The following ERN1 variants were observed in gnomAD, a reference collection of about 807,000 sequenced individuals.
The protein encoded by ERN1 is endoplasmic reticulum to nucleus signaling 1, also known as serine/threonine-protein kinase/endoribonuclease IRE1.
In ERN1, 39 loss-of-function variants were observed where a neutral mutation model predicts 113.1. That is an observed-to-expected ratio of 0.34 (90% CI 0.27 to 0.45). The LOEUF (loss-of-function observed/expected upper bound fraction) is 0.45, where lower values mean the gene tolerates loss of function less well. ERN1 is among the 20% of genes least tolerant of loss of function. The pLI is 1.00. For synonymous variants in ERN1, 507 were observed against 515.9 expected (o/e 0.98, Z 0.23); for missense variants, 976 against 1,274.8 (o/e 0.77, Z 3.57).
chr17:64,083,337 A>G (rs1031900777), intron 2 of ERN1, among the ~76,000 whole-genome samples: 6 of 152,228 alleles, frequency 3.9e-5, no homozygotes, highest in African/African-American at 1.4e-4. Context: ...TAAAAGAGTA[A>G]CATGAAAAAG....
intron 1 of ERN1, among the ~76,000 whole-genome samples, chr17:64,106,322 T>A (rs1199864815): frequency 6.6e-6 from 1 of 152,244 alleles, no homozygotes; most frequent in Non-Finnish European, 1.5e-5. Flanking sequence ...ACATATGAAA[T>A]CTTGAGAACA....
chr17:64,118,450 A>T (rs114352264), intron 1 of ERN1, among the ~76,000 whole-genome samples: 8 of 152,368 alleles, frequency 5.3e-5, no homozygotes, highest in African/African-American at 1.7e-4. Flanking sequence ...CTGGTCTGCC[A>T]CTTGGGATTT....
At chr17:64,051,157 G>GAAAA (rs57358024) in intron 17 of ERN1, among the ~76,000 whole-genome samples, 1 of 143,948 alleles carries the variant, frequency 6.9e-6, no homozygotes, top group Admixed American at 6.8e-5. Context: ...TAGCGATTAA[G>GAAAA]AAAAAAAAAA....
At chr17:64,071,329 A>G (rs1038106379) in intron 6 of ERN1, among the ~76,000 whole-genome samples, 2 of 152,200 alleles carry the variant, frequency 1.3e-5, no homozygotes, top group Non-Finnish European at 2.9e-5. Flanking sequence ...AAACAGGCAT[A>G]CCTGGTGGAG....
chr17:64,081,160 T>C (rs769560655), intron 2 of ERN1, among the ~76,000 whole-genome samples: 16 of 152,170 alleles, frequency 1.1e-4, no homozygotes, highest in Non-Finnish European at 2.4e-4. Context: ...AGCATCACTA[T>C]CTGACACCTC....
intron 1 of ERN1, among the ~76,000 whole-genome samples, chr17:64,117,279 C>T (rs970568962): frequency 6.6e-6 from 1 of 151,618 alleles, no homozygotes; most frequent in African/African-American, 2.4e-5. Flanking sequence ...CCCGTCTCTA[C>T]TAAAAATACA....
rs1197589215 is a variant in ERN1, at chr17:64,060,093, C to T, written c.1206+376G>A. Among the ~76,000 whole-genome samples the T allele has an allele frequency of 2.0e-5, 3 of 152,188 alleles. No individual in the cohort carries two copies. The East Asian group carries it at 5.8e-4, about 29-fold the overall frequency. ...TTTCCTACTACCCCCTACTTAGTAG[C>T]CTCGGGTCTGGCCAGGCCTTTCTCC... On this transcript the variant is annotated intron_variant, in intron 11 of 21. Coordinates refer to ENST00000433197, the MANE Select transcript of ERN1 (RefSeq NM_001433.5).
chr17:64,067,495 C>G (rs1913269610), intron 7 of ERN1, among the ~76,000 whole-genome samples: 1 of 150,996 alleles, frequency 6.6e-6, no homozygotes, highest in African/African-American at 2.4e-5. Flanking sequence ...GTGGTCCCAG[C>G]TACTCAGTAG....
At chr17:64,092,082 G>A (rs112400441) in intron 2 of ERN1, among the ~76,000 whole-genome samples, 21 of 152,172 alleles carry the variant, frequency 1.4e-4, no homozygotes, top group African/African-American at 3.6e-4. Flanking sequence ...ATGAGTGAAC[G>A]AGAGGGCTAA....
intron 2 of ERN1, among the ~76,000 whole-genome samples, chr17:64,082,645 T>C (rs1913802059): frequency 6.6e-6 from 1 of 152,234 alleles, no homozygotes; most frequent in Non-Finnish European, 1.5e-5. Flanking sequence ...TGATCTTTGC[T>C]GTACAGTGTT....
In ERN1 at chr17:64,119,571, T is replaced by A. The variant is rs888716416; in HGVS notation, c.54+10405A>T. On this transcript the variant is annotated intron_variant, in intron 1 of 21. Coordinates refer to ENST00000433197, the MANE Select transcript of ERN1 (RefSeq NM_001433.5). ...GCCTGGCTAATTTTTGTCATTTTTTTAGTAGAGACGGGGTTTCACCATGTT... is the reference window on the plus strand; with the variant it reads ...GCCTGGCTAATTTTTGTCATTTTTTAAGTAGAGACGGGGTTTCACCATGTT... 7.9e-5 allele frequency among the ~76,000 whole-genome samples: 12 copies of A among 151,514 alleles called. No homozygotes were observed. The East Asian group carries it at 1.7e-3, about 22-fold the overall frequency.
chr17:64,111,647 G>A (rs113584173), intron 1 of ERN1, among the ~76,000 whole-genome samples: 37 of 152,208 alleles, frequency 2.4e-4, no homozygotes, highest in African/African-American at 7.0e-4. Flanking sequence ...ATGAGCCATC[G>A]CGCCCGGCCA....
intron 11 of ERN1, among the ~76,000 whole-genome samples, chr17:64,059,243 T>C (rs540870655): frequency 1.3e-5 from 2 of 152,350 alleles, no homozygotes; most frequent in Admixed American, 1.3e-4. Flanking sequence ...GGTAAACAGA[T>C]ACTGTGCCCT....
At chr17:64,074,937 A>G (rs528444079) in intron 5 of ERN1, 3 of 505,002 alleles carry the variant, frequency 5.9e-6, no homozygotes, top group African/African-American at 2.0e-5. Context: ...AAGTCAACAC[A>G]GCAACTAAAA....
At chr17:64,111,546 G>A (rs1914673075) in intron 1 of ERN1, among the ~76,000 whole-genome samples, 1 of 152,012 alleles carries the variant, frequency 6.6e-6, no homozygotes, top group Admixed American at 6.6e-5. Context: ...TAGTAGAAAC[G>A]AGGTTTCACC....
intron 1 of ERN1, among the ~76,000 whole-genome samples, chr17:64,124,769 T>C (rs752145212): frequency 1.3e-5 from 2 of 152,218 alleles, no homozygotes; most frequent in South Asian, 2.1e-4. Flanking sequence ...ATTCATATAA[T>C]GGAATATTAT....
chr17:64,112,137 G>A (rs1255833604), intron 1 of ERN1, among the ~76,000 whole-genome samples: 1 of 152,216 alleles, frequency 6.6e-6, no homozygotes, highest in Non-Finnish European at 1.5e-5. Flanking sequence ...GGATGCCAAG[G>A]TGGGCAGATC....
intron 2 of ERN1, among the ~76,000 whole-genome samples, chr17:64,086,869 T>C (rs765055506): frequency 1.3e-4 from 20 of 152,062 alleles, no homozygotes; most frequent in East Asian, 9.7e-4. Flanking sequence ...TGGTCTTGAA[T>C]TCCTGACCTC....
At position 64,054,105 on chromosome 17, in the gene ERN1, A is replaced by C. The variant is rs527677759; in HGVS notation, c.1953+145T>G. 1.5e-5 allele frequency: 10 copies of C among 679,714 alleles called. No homozygotes were observed. The highest frequency in any genetic ancestry group is 2.1e-5 in the Non-Finnish European group (9 of 419,168). 42.1% of individuals were successfully genotyped at this position (679,714 alleles called of 1,614,324 possible). A position where few individuals can be genotyped will look rare whatever the true frequency, so the allele number is the denominator to read the frequency against. ...CAGGAACACATCGCTAGGCCTGGCT[A>C]ATTTTTGGTTTCTTTGTAGAGATGG... is the stretch of plus-strand genomic sequence containing the variant. On this transcript the variant is annotated intron_variant, in intron 15 of 21. Transcript: ENST00000433197. This position sits in a 1 kb window ranked among gnomAD's most constrained non-coding sequence, Gnocchi z 4.9.
Sources: allele counts gnomAD v4.1 joint callset (sites outside exome capture counted in the v4.1 genomes callset), GRCh38; gene constraint gnomAD v4.1.1; non-coding constraint Gnocchi (gnomAD v3.1); transcripts MANE v1.5; gene names NCBI Gene and HGNC (gene_info 2026-07-23, HGNC 2026-07-21).